FOXP1: variants seen among roughly 807,000 people sequenced by gnomAD.
The protein encoded by FOXP1 is forkhead box P1, also known as forkhead box protein P1.
In FOXP1, 15 loss-of-function variants were observed where a neutral mutation model predicts 98.2. That is an observed-to-expected ratio of 0.15 (90% confidence interval 0.10 to 0.24). The LOEUF (loss-of-function observed/expected upper bound fraction) is 0.24. FOXP1 is among the 10% of genes least tolerant of loss of function. The pLI is 1.00. For synonymous variants in FOXP1, 371 were observed against 314.5 expected (o/e 1.18, Z -1.90); for missense variants, 633 against 848.5 (o/e 0.75, Z 3.15).
intron 7 of FOXP1, among the ~76,000 whole-genome samples, chr3:71,093,398 G>C (rs1001567818): frequency 6.7e-6 from 1 of 148,432 alleles, no homozygotes; most frequent in African/African-American, 2.5e-5. Flanking sequence ...GCCACATATG[G>C]CTATTTAAAT....
intron 3 of FOXP1, among the ~76,000 whole-genome samples, chr3:71,396,971 T>TACAC (rs1560424507): frequency 3.2e-4 from 6 of 18,560 alleles, no homozygotes; most frequent in African/African-American, 1.0e-3. Flanking sequence ...TATGTGTGTA[T>TACAC]ATATATATAT....
intron 2 of FOXP1, chr3:71,573,488 A>C (rs1191553693): frequency 6.6e-6 from 1 of 152,202 alleles, no homozygotes; most frequent in Non-Finnish European, 1.5e-5. Context: ...ATTTGTTGTA[A>C]GCTTACCAAA....
chr3:71,323,627 G>A (rs1253891452), intron 4 of FOXP1, among the ~76,000 whole-genome samples: 2 of 152,174 alleles, frequency 1.3e-5, no homozygotes, highest in African/African-American at 4.8e-5. Flanking sequence ...ATTCTACGGA[G>A]CACCTCGTAA....
At chr3:71,208,938 C>T (rs1013002666) in intron 5 of FOXP1, among the ~76,000 whole-genome samples, 1 of 152,122 alleles carries the variant, frequency 6.6e-6, no homozygotes, top group Non-Finnish European at 1.5e-5. Context: ...TGCTGACCAC[C>T]ATGAAATCAA....
At chr3:71,405,333 A>G (rs1213147290) in intron 3 of FOXP1, among the ~76,000 whole-genome samples, 1 of 152,226 alleles carries the variant, frequency 6.6e-6, no homozygotes, top group Non-Finnish European at 1.5e-5. Flanking sequence ...CATCAGGGGA[A>G]TCTATGTTCT....
intron 3 of FOXP1, among the ~76,000 whole-genome samples, chr3:71,376,767 C>T (rs1204935496): frequency 6.6e-6 from 1 of 152,196 alleles, no homozygotes; most frequent in African/African-American, 2.4e-5. Flanking sequence ...CCCCTTTCAT[C>T]TGACAGACAG....
intron 2 of FOXP1, among the ~76,000 whole-genome samples, chr3:71,545,038 A>C (rs757766314): frequency 3.4e-4 from 51 of 152,232 alleles, no homozygotes; most frequent in Non-Finnish European, 6.8e-4. Flanking sequence ...CCACGCTTGC[A>C]GTCTGTTAAA....
intron 5 of FOXP1, among the ~76,000 whole-genome samples, chr3:71,246,124 G>C (rs1001425000): frequency 2.6e-5 from 4 of 151,954 alleles, no homozygotes; most frequent in African/African-American, 2.4e-5. Context: ...GAGCAGCAGC[G>C]AGCCAGCTCT....
At chr3:71,492,131 C>A (rs1245328861) in intron 3 of FOXP1, among the ~76,000 whole-genome samples, 1 of 151,998 alleles carries the variant, frequency 6.6e-6, no homozygotes, top group Non-Finnish European at 1.5e-5. Context: ...AGGATAGGAT[C>A]CTCTAACCTA....
At chr3:71,277,617 G>A (rs980173522) in intron 5 of FOXP1, among the ~76,000 whole-genome samples, 1 of 151,926 alleles carries the variant, frequency 6.6e-6, no homozygotes, top group Admixed American at 6.6e-5. Flanking sequence ...AGCCATGCAG[G>A]CCTTATTTCT....
chr3:71,071,313 G>A (rs1288978581), intron 7 of FOXP1, among the ~76,000 whole-genome samples: 1 of 152,150 alleles, frequency 6.6e-6, no homozygotes, highest in African/African-American at 2.4e-5. Flanking sequence ...AGTCTTTGAC[G>A]GTTCATGTAG....
chr3:71,228,465 C>T (rs2066014446), intron 5 of FOXP1, among the ~76,000 whole-genome samples: 1 of 152,124 alleles, frequency 6.6e-6, no homozygotes, highest in Admixed American at 6.5e-5. Flanking sequence ...GATCTCATAG[C>T]TTTAATGGAA....
chr3:71,415,575 G>A (rs181998490), intron 3 of FOXP1, among the ~76,000 whole-genome samples: 1 of 152,144 alleles, frequency 6.6e-6, no homozygotes, highest in Non-Finnish European at 1.5e-5. Flanking sequence ...GACTTAAGTG[G>A]CTTTAACGGC....
intron 2 of FOXP1, among the ~76,000 whole-genome samples, chr3:71,557,414 C>G (rs1378816515): frequency 6.6e-6 from 1 of 152,074 alleles, no homozygotes; most frequent in East Asian, 1.9e-4. Context: ...CATTGTGTAC[C>G]CCAGCTATGG....
intron 3 of FOXP1, among the ~76,000 whole-genome samples, chr3:71,376,920 T>C (rs1210674527): frequency 6.6e-6 from 1 of 152,184 alleles, no homozygotes; most frequent in East Asian, 1.9e-4. Context: ...ATACCTATCA[T>C]ATGTATTCTT....
chr3:71,275,669 C>A (rs989650647), intron 5 of FOXP1, among the ~76,000 whole-genome samples: 3 of 152,198 alleles, frequency 2.0e-5, no homozygotes, highest in African/African-American at 7.2e-5. Context: ...TCCCCCACCA[C>A]CTTTTTTAAA....
rs558484510 is a variant in FOXP1 at position 71,031,404 on chromosome 3, C to T, written c.869+9924G>A. Among the ~76,000 whole-genome samples the T allele has an allele frequency of 2.6e-5, 4 of 152,254 alleles. No homozygotes were observed. In the South Asian group the frequency reaches 8.3e-4, roughly 32 times the overall value. ...AGTTGCTATGGGGTCTGTTTGTTTA[C>T]CAAACAAGAACACAAATAGTTACAC... On this transcript the variant is annotated intron_variant, in intron 11 of 20. Coordinates refer to ENST00000649528, the MANE Select transcript of FOXP1 (RefSeq NM_001349338.3).
At chr3:71,001,599 G>C (rs539036446) in intron 12 of FOXP1, among the ~76,000 whole-genome samples, 2 of 152,206 alleles carry the variant, frequency 1.3e-5, no homozygotes, top group African/African-American at 2.4e-5. Context: ...GGTGGGGGGT[G>C]GGGGAGAGAA....
chr3:70,998,316 G>A (rs536999790), intron 13 of FOXP1, among the ~76,000 whole-genome samples: 47 of 152,228 alleles, frequency 3.1e-4, no homozygotes, highest in Non-Finnish European at 5.9e-4. Context: ...TTTTACGCAT[G>A]GACACTGAAA....
Sources: allele counts gnomAD v4.1 joint callset (sites outside exome capture counted in the v4.1 genomes callset), GRCh38; gene constraint gnomAD v4.1.1; transcripts MANE v1.5; gene names NCBI Gene and HGNC (gene_info 2026-07-23, HGNC 2026-07-21).